PIAS1: variants seen among roughly 807,000 people sequenced by gnomAD.
PIAS1 encodes the protein protein inhibitor of activated STAT 1.
In PIAS1, 6 loss-of-function variants were observed where a neutral mutation model predicts 71.3. That is an observed-to-expected ratio of 0.08 (90% CI 0.05 to 0.17). The LOEUF (loss-of-function observed/expected upper bound fraction) is 0.17, where lower values mean the gene tolerates loss of function less well. Ranked by LOEUF, PIAS1 falls within the 10% of genes least tolerant of loss-of-function variation. The probability of loss-of-function intolerance (pLI) is 1.00; values close to 1 mark genes in which losing one functional copy is unlikely to be tolerated. For missense variants in PIAS1, 555 were observed against 793.6 expected, an observed-to-expected ratio of 0.70 and a Z score of 3.61; for synonymous variants, 303 against 292.9, an observed-to-expected ratio of 1.03 and a Z score of -0.35.
rs1047839642 is a variant in PIAS1 at position 68,186,500 on chromosome 15, GTTAAT to G, written c.1663-1038_1663-1034del. On this transcript the variant is annotated intron_variant, in intron 13 of 13. Coordinates refer to ENST00000249636, the MANE Select transcript of PIAS1 (RefSeq NM_016166.3). This position sits in a 1 kb window ranked among gnomAD's most constrained non-coding sequence, Gnocchi z 4.4. ...TATAAAGTAAAATTAGTTAGCTAAT[GTTAAT>G]TTATTATTGAAGAAAGAAAAATATT... 6.6e-6 allele frequency among the ~76,000 whole-genome samples: 1 copy of G among 152,170 alleles called. No homozygotes were observed. Among genetic ancestry groups the G allele is most frequent in the Non-Finnish European group, 1.5e-5 (1 of 68,018 alleles).
intron 2 of PIAS1, among the ~76,000 whole-genome samples, chr15:68,103,786 G>T (rs1431502483): frequency 6.6e-6 from 1 of 152,068 alleles, no homozygotes; most frequent in East Asian, 1.9e-4. Flanking sequence ...CCGAAACTTT[G>T]TTCTTTTTAA....
Position 68,134,539 on chromosome 15 carries a change from G to A in PIAS1, c.470-7407G>A, listed in dbSNP as rs2092707272. Among the ~76,000 whole-genome samples the A allele has an allele frequency of 4.0e-5, 2 of 49,752 alleles. 1 individual carries two copies. Among genetic ancestry groups the A allele is most frequent in the African/African-American group, 8.3e-5 (2 of 24,110 alleles). The allele number at this position is 49,752 out of a possible 152,430, so 32.6% of individuals were successfully genotyped here. On this transcript the variant is annotated intron_variant, in intron 2 of 13. Transcript: ENST00000249636. The stretch of plus-strand genomic sequence containing the variant: ...GGACGGGGCGGCTGGCCGGGCAGAG[G>A]GGATCCTCACTTCCCAGTAGGGGCG...
rs918276725 is a variant in PIAS1 at position 68,173,627 on chromosome 15, T to C, written c.1009-105T>C. ...ACATTGATGAAAAGTCAACACTGTATGCTTTAAATCAGCATGCCTACCTGT... is the reference window on the plus strand; with the variant it reads ...ACATTGATGAAAAGTCAACACTGTACGCTTTAAATCAGCATGCCTACCTGT... On this transcript the variant is annotated intron_variant, in intron 8 of 13. Transcript: ENST00000249636. The surrounding 1 kb of genome is among the most constrained non-coding windows in gnomAD (Gnocchi z 4.3). The C allele has an allele frequency of 1.6e-6, 1 of 616,864 alleles. No individual in the cohort carries two copies. Among genetic ancestry groups the C allele is most frequent in the Non-Finnish European group, 2.6e-6 (1 of 379,680 alleles). 38.2% of individuals were successfully genotyped at this position (616,864 alleles called of 1,614,324 possible).
At chr15:68,158,532 A>G (rs1259292484) in intron 7 of PIAS1, among the ~76,000 whole-genome samples, 2 of 152,166 alleles carry the variant, frequency 1.3e-5, no homozygotes, top group Non-Finnish European at 2.9e-5. Context: ...TTTACCCTCT[A>G]CTAGATTATG....
chr15:68,092,877 C>T (rs190573426), intron 2 of PIAS1, among the ~76,000 whole-genome samples: 1 of 152,292 alleles, frequency 6.6e-6, no homozygotes, highest in Admixed American at 6.5e-5. Flanking sequence ...ATTATCCAGT[C>T]TGAGGTATTT....
intron 1 of PIAS1, among the ~76,000 whole-genome samples, chr15:68,056,889 C>G (rs943735977): frequency 6.6e-6 from 1 of 151,826 alleles, no homozygotes; most frequent in Non-Finnish European, 1.5e-5. Context: ...TCATACATTC[C>G]TAATATGATA....
intron 2 of PIAS1, among the ~76,000 whole-genome samples, chr15:68,088,200 A>ATATATATATATATATATC (rs1487846650): frequency 1.4e-5 from 2 of 143,416 alleles, no homozygotes; most frequent in Non-Finnish European, 3.0e-5. Flanking sequence ...ATATATATAT[A>ATATATATATATATATATC]TCCCATTTTA....
chr15:68,142,244 G>A, intron 3 of PIAS1, 46 bp from the exon 4 acceptor site: 1 of 1,484,270 alleles, frequency 6.7e-7, no homozygotes, highest in Non-Finnish European at 9.4e-7. Context: ...GAACTTTCAT[G>A]CAAATACTTT....
chr15:68,066,975 C>T (rs2092036308), intron 1 of PIAS1, among the ~76,000 whole-genome samples: 2 of 152,120 alleles, frequency 1.3e-5, no homozygotes, highest in Non-Finnish European at 2.9e-5. Context: ...ATTCTATAAT[C>T]TCTTGTTGAG....
intron 8 of PIAS1, among the ~76,000 whole-genome samples, chr15:68,172,419 T>C (rs1016697339): frequency 2.6e-5 from 4 of 152,166 alleles, no homozygotes. Flanking sequence ...ATAATAATCC[T>C]TTGGGTATAT....
chr15:68,131,842 C>G (rs2092689643), intron 2 of PIAS1, among the ~76,000 whole-genome samples: 1 of 151,988 alleles, frequency 6.6e-6, no homozygotes, highest in South Asian at 2.1e-4. Context: ...CTTTGACATA[C>G]TGTTTTCGAA....
At chr15:68,161,033 CT>C in intron 7 of PIAS1, among the ~76,000 whole-genome samples, 1 of 152,234 alleles carries the variant, frequency 6.6e-6, no homozygotes, top group South Asian at 2.1e-4. Flanking sequence ...TACAAATGAC[CT>C]TATGGTCTGC....
chr15:68,105,572 G>A (rs2092461713), intron 2 of PIAS1, among the ~76,000 whole-genome samples: 1 of 152,098 alleles, frequency 6.6e-6, no homozygotes, highest in Non-Finnish European at 1.5e-5. Context: ...GCCTTTCTAA[G>A]TCTGCAGCTT....
At chr15:68,087,219 G>C (rs1344445231) in intron 2 of PIAS1, among the ~76,000 whole-genome samples, 1 of 152,066 alleles carries the variant, frequency 6.6e-6, no homozygotes, top group African/African-American at 2.4e-5. Context: ...AATTTCAGCT[G>C]ATTTTTTTCA....
intron 2 of PIAS1, among the ~76,000 whole-genome samples, chr15:68,102,086 C>T (rs1285838549): frequency 2.0e-5 from 3 of 151,892 alleles, no homozygotes; most frequent in African/African-American, 7.3e-5. Context: ...TTTTTTTCCT[C>T]GAAAGTTTTT....
chr15:68,128,733 G>T (rs2092669771), intron 2 of PIAS1, among the ~76,000 whole-genome samples: 1 of 151,964 alleles, frequency 6.6e-6, no homozygotes, highest in Non-Finnish European at 1.5e-5. Flanking sequence ...TTCTCTGAAG[G>T]GTCTGTTCCT....
Position 68,088,595 on chromosome 15 carries a change from C to G in PIAS1, c.469+1845C>G, listed in dbSNP as rs145002271. ...TCATCGTTATAGAATTAAAAACAAACCAATTTAATATGCATAAAAAGATCT... is the reference window on the plus strand; with the variant it reads ...TCATCGTTATAGAATTAAAAACAAAGCAATTTAATATGCATAAAAAGATCT... On this transcript the variant is annotated intron_variant, in intron 2 of 13. Coordinates refer to ENST00000249636, the MANE Select transcript of PIAS1 (RefSeq NM_016166.3). Among the ~76,000 whole-genome samples the G allele has an allele frequency of 1.5e-3, 221 of 151,928 alleles. 5 individuals carry two copies. The East Asian group carries it at 0.031, about 21-fold the overall frequency.
chr15:68,092,556 T>C (rs12443364), intron 2 of PIAS1, among the ~76,000 whole-genome samples: 2,810 of 152,342 alleles, frequency 0.018, 195 homozygotes, highest in Admixed American at 0.13. Flanking sequence ...TGCTGTGGTC[T>C]GAATGTGTCC....
At chr15:68,183,571 C>G in intron 12 of PIAS1, 59 bp from the exon 13 acceptor site, 1 of 697,144 alleles carries the variant, frequency 1.4e-6, no homozygotes. Flanking sequence ...AGTATTGGGG[C>G]ATTTGGAAGA....
Sources: allele counts gnomAD v4.1 joint callset (sites outside exome capture counted in the v4.1 genomes callset), GRCh38; gene constraint gnomAD v4.1.1; non-coding constraint Gnocchi (gnomAD v3.1); transcripts MANE v1.5; gene names NCBI Gene and HGNC (gene_info 2026-07-23, HGNC 2026-07-21).